PDE7B: variants seen among roughly 807,000 people sequenced by gnomAD.
PDE7B encodes 3',5'-cyclic-AMP phosphodiesterase 7B.
PDE7B carries 29 observed loss-of-function variants against 56.2 expected under a neutral mutation model. The ratio of observed to expected loss-of-function variants is 0.52; its 90% CI spans 0.38 to 0.70. PDE7B has a LOEUF of 0.70. Ranked by LOEUF, PDE7B falls within the 30% of genes least tolerant of loss-of-function variation. The pLI, the probability that PDE7B is intolerant of heterozygous loss-of-function variation, is 0.00. For synonymous variants in PDE7B, 197 were observed against 196.9 expected (o/e 1.00, Z 0.00); for missense variants, 490 against 565.0 (o/e 0.87, Z 1.35).
chr6:135,946,937 C>T (rs868084056), intron 1 of PDE7B, among the ~76,000 whole-genome samples: 10 of 151,918 alleles, frequency 6.6e-5, no homozygotes, highest in Non-Finnish European at 2.9e-5. Flanking sequence ...TTGATATTTC[C>T]GTAAGTCTGT....
chr6:135,909,123 T>C (rs1384250148), intron 1 of PDE7B, among the ~76,000 whole-genome samples: 1 of 152,134 alleles, frequency 6.6e-6, no homozygotes, highest in East Asian at 1.9e-4. Flanking sequence ...GTGTTTTGAA[T>C]TGTTGTGGGG....
intron 3 of PDE7B, among the ~76,000 whole-genome samples, chr6:136,124,401 T>C (rs540214712): frequency 7.3e-4 from 111 of 152,294 alleles, no homozygotes; most frequent in South Asian, 1.7e-3. Context: ...GACTGAGAAA[T>C]ATAAGCAAAG....
intron 8 of PDE7B, 192 bp downstream of exon 8, chr6:136,155,950 C>T (rs1778596119): frequency 4.2e-6 from 3 of 708,490 alleles, no homozygotes; most frequent in Non-Finnish European, 7.9e-6. Flanking sequence ...TCCAAGCAAA[C>T]TTAATCCCAG....
intron 1 of PDE7B, among the ~76,000 whole-genome samples, chr6:135,906,406 CCTA>C (rs1268300157): frequency 1.3e-5 from 2 of 152,114 alleles, no homozygotes; most frequent in Non-Finnish European, 2.9e-5. Context: ...CTCCCTTTGT[CCTA>C]CTGTTTGATA....
intron 1 of PDE7B, among the ~76,000 whole-genome samples, chr6:135,853,967 T>G (rs1774980965): frequency 6.6e-6 from 1 of 152,206 alleles, no homozygotes; most frequent in African/African-American, 2.4e-5. Flanking sequence ...CATGTGTTTT[T>G]GAAAAGCACT....
At chr6:136,112,085 C>A (rs1411235316) in intron 3 of PDE7B, among the ~76,000 whole-genome samples, 2 of 152,118 alleles carry the variant, frequency 1.3e-5, no homozygotes, top group African/African-American at 4.8e-5. Context: ...GTCCCTCCCC[C>A]ACCCACCTCA....
chr6:135,928,483 T>TTATATATATATA lies in PDE7B; in HGVS notation c.22-18978_22-18977insATATATATATAT, dbSNP rs1187835633. On this transcript the variant is annotated intron_variant, in intron 1 of 12. Transcript: ENST00000308191. ...TATATATTTATTTATATATATATATTTATTTATATATATATATTTATATAT... is the reference window on the plus strand; with the variant it reads ...TATATATTTATTTATATATATATATTTATATATATATATATTTATATATATATATTTATATAT... Among the ~76,000 whole-genome samples the TTATATATATATA allele has an allele frequency of 9.3e-5, 9 of 96,876 alleles. No homozygotes were observed. In the South Asian group the frequency reaches 2.0e-3, roughly 21 times the overall value. The allele number at this position is 96,876 out of a possible 152,430, so 63.6% of individuals were successfully genotyped here.
intron 4 of PDE7B, among the ~76,000 whole-genome samples, 191 bp downstream of exon 4, chr6:136,147,693 C>T (rs1313492991): frequency 2.0e-5 from 3 of 152,210 alleles, no homozygotes; most frequent in Admixed American, 1.3e-4. Context: ...TTATGAGGTG[C>T]ACGAAGTAAA....
intron 1 of PDE7B, among the ~76,000 whole-genome samples, chr6:135,875,682 T>G (rs532778434): frequency 6.6e-6 from 1 of 152,356 alleles, no homozygotes; most frequent in South Asian, 2.1e-4. Flanking sequence ...ACATTCAATC[T>G]TGAAGGGTAT....
intron 3 of PDE7B, among the ~76,000 whole-genome samples, chr6:136,111,504 C>T (rs1022516466): frequency 1.3e-5 from 2 of 152,134 alleles, no homozygotes; most frequent in South Asian, 2.1e-4. Flanking sequence ...CTGTGGTCGC[C>T]CTCCACGGTT....
intron 1 of PDE7B, among the ~76,000 whole-genome samples, chr6:135,886,936 C>G (rs1775719775): frequency 6.6e-6 from 1 of 152,022 alleles, no homozygotes; most frequent in South Asian, 2.1e-4. Flanking sequence ...CTTTAAGGAT[C>G]CTCCCTATTG....
intron 3 of PDE7B, among the ~76,000 whole-genome samples, chr6:136,137,004 T>C (rs185979771): frequency 0.01 from 1,565 of 152,204 alleles, 8 homozygotes; most frequent in South Asian, 0.026. Context: ...TATTATACAC[T>C]AGATACCAGG....
At chr6:135,895,965 CA>C (rs1467023259) in intron 1 of PDE7B, among the ~76,000 whole-genome samples, 1 of 152,136 alleles carries the variant, frequency 6.6e-6, no homozygotes, top group African/African-American at 2.4e-5. Context: ...TTAGTTGTAC[CA>C]ATCTTCGTAT....
intron 1 of PDE7B, among the ~76,000 whole-genome samples, chr6:135,879,907 A>G (rs1426866370): frequency 6.6e-6 from 1 of 152,194 alleles, no homozygotes; most frequent in Non-Finnish European, 1.5e-5. Flanking sequence ...ACTCTTAGAC[A>G]TTGGGAATGA....
At chr6:136,061,244 T>C (rs957206393) in intron 2 of PDE7B, among the ~76,000 whole-genome samples, 2 of 152,180 alleles carry the variant, frequency 1.3e-5, no homozygotes, top group African/African-American at 4.8e-5. Flanking sequence ...TCTCCTCTCA[T>C]CTGGCTGATA....
intron 2 of PDE7B, among the ~76,000 whole-genome samples, chr6:136,068,167 C>T (rs1334113647): frequency 6.6e-6 from 1 of 152,132 alleles, no homozygotes; most frequent in Non-Finnish European, 1.5e-5. Flanking sequence ...AGAACATGTG[C>T]CCAAGGTGGT....
In PDE7B at chr6:136,091,874, T is replaced by C. The variant is rs117042677; in HGVS notation, c.83-16857T>C. Among the ~76,000 whole-genome samples, 47 of 152,330 alleles carry C rather than the reference T, an allele frequency of 3.1e-4. No individual in the cohort carries two copies. In the East Asian group the frequency reaches 5.6e-3, roughly 18 times the overall value. On this transcript the variant is annotated intron_variant, in intron 2 of 12. Coordinates refer to ENST00000308191, the MANE Select transcript of PDE7B (RefSeq NM_018945.4). The stretch of plus-strand genomic sequence containing the variant: ...ATACAGATGGTAGAATCTTGAATGT[T>C]TGAAGTAAAAAGCAATACAGAGTAT...
chr6:135,991,211 C>T (rs1260363080), intron 2 of PDE7B, among the ~76,000 whole-genome samples: 2 of 152,074 alleles, frequency 1.3e-5, no homozygotes, highest in East Asian at 3.9e-4. Flanking sequence ...GTGCCAACAT[C>T]CTATCTCATC....
chr6:135,872,383 T>C (rs1775400121), intron 1 of PDE7B, among the ~76,000 whole-genome samples: 1 of 152,138 alleles, frequency 6.6e-6, no homozygotes, highest in African/African-American at 2.4e-5. Flanking sequence ...CACAATACAC[T>C]AACATTGCAA....
Sources: gnomAD v4.1 joint callset for allele counts (sites outside exome capture counted in the v4.1 genomes callset) on GRCh38, gnomAD v4.1.1 for gene constraint, MANE v1.5 for transcripts, NCBI Gene and HGNC (gene_info 2026-07-23, HGNC 2026-07-21) for gene names.